RIC8B: variants seen among roughly 807,000 people sequenced by gnomAD.
RIC8B encodes RIC8 guanine nucleotide exchange factor B, also known as chaperone Ric-8B.
RIC8B carries 16 observed loss-of-function variants against 57.5 expected under a neutral mutation model. The observed-to-expected ratio is 0.28, with a 90% confidence interval of 0.19 to 0.42. The LOEUF (loss-of-function observed/expected upper bound fraction) is 0.42, where lower values mean the gene tolerates loss of function less well. Ranked by LOEUF, RIC8B falls within the 10% of genes least tolerant of loss-of-function variation. RIC8B has a pLI of 1.00. For missense variants in RIC8B, 481 were observed against 677.0 expected (o/e 0.71, Z 3.21); for synonymous variants, 216 against 250.8 (o/e 0.86, Z 1.31).
In RIC8B at chr12:106,815,099, G is replaced by A. The variant is rs751916507; in HGVS notation, c.536G>A (p.Arg179Lys). 6.2e-7 allele frequency: 1 copy of A among 1,614,184 alleles called. No homozygotes were observed. The highest frequency in any genetic ancestry group is 8.5e-7 in the Non-Finnish European group (1 of 1,180,036). The change falls in exon 3 of 10, where the codon AGG becomes AAG. Residue 179 changes from arginine to lysine, a missense_variant. Physicochemically the swap from Arg to Lys is conservative, Grantham distance 26 (BLOSUM62 2). Transcript: ENST00000392837. ...CTGTCACTTTTGCACACCGACATCA[G>A]GTCACAATTGCGCTATGAGCTCCAG... is the stretch of plus-strand genomic sequence containing the variant. ...FLLSLLHTDI[R>K]SQLRYELQGL...
At chr12:106,802,730 A>G (rs1338589283) in intron 2 of RIC8B, among the ~76,000 whole-genome samples, 1 of 152,084 alleles carries the variant, frequency 6.6e-6, no homozygotes, top group Non-Finnish European at 1.5e-5. Flanking sequence ...AAAAGAGAGT[A>G]GGACTGAGTC....
chr12:106,825,429 A>G (rs2046052093), intron 3 of RIC8B, among the ~76,000 whole-genome samples: 1 of 152,218 alleles, frequency 6.6e-6, no homozygotes, highest in South Asian at 2.1e-4. Context: ...GCAACAGTGC[A>G]CCATAGAAAA....
intron 9 of RIC8B, among the ~76,000 whole-genome samples, chr12:106,884,616 A>G (rs1176603520): frequency 2.0e-5 from 3 of 152,204 alleles, no homozygotes; most frequent in Non-Finnish European, 2.9e-5. Flanking sequence ...CATAGTATTC[A>G]GGAGCCTCAA....
At chr12:106,837,331 C>T (rs1319018845) in intron 4 of RIC8B, among the ~76,000 whole-genome samples, 1 of 151,998 alleles carries the variant, frequency 6.6e-6, no homozygotes, top group Non-Finnish European at 1.5e-5. Context: ...CATTGTACTC[C>T]AGCCTGGGCG....
At chr12:106,798,127 A>G (rs2136219151) in intron 2 of RIC8B, 8 of 683,734 alleles carry the variant, frequency 1.2e-5, no homozygotes, top group Non-Finnish European at 2.2e-5. Flanking sequence ...CTGGCCTTAT[A>G]ACACTTAGGC....
intron 4 of RIC8B, among the ~76,000 whole-genome samples, chr12:106,827,860 A>G (rs954857409): frequency 3.9e-5 from 6 of 152,212 alleles, no homozygotes; most frequent in African/African-American, 1.2e-4. Context: ...TTAAGAAGTC[A>G]GATATCACAA....
At chr12:106,824,486 T>C (rs2046001477) in intron 3 of RIC8B, among the ~76,000 whole-genome samples, 1 of 152,202 alleles carries the variant, frequency 6.6e-6, no homozygotes, top group Admixed American at 6.5e-5. Context: ...GCTTGCTAGA[T>C]TTTAGGAGAG....
chr12:106,844,376 G>C (rs1949091108), intron 6 of RIC8B, among the ~76,000 whole-genome samples: 1 of 152,160 alleles, frequency 6.6e-6, no homozygotes, highest in Non-Finnish European at 1.5e-5. Context: ...GTATCTCTGA[G>C]AATGATTGGA....
chr12:106,783,894 C>T, intron 1 of RIC8B, 103 bp from the exon 2 acceptor site: 2 of 1,009,540 alleles, frequency 2.0e-6, no homozygotes, highest in Non-Finnish European at 3.0e-6. Flanking sequence ...TACGGGAAGG[C>T]AACATTTTTT....
chr12:106,884,161 T>G (rs1951076659), intron 9 of RIC8B, among the ~76,000 whole-genome samples: 1 of 152,232 alleles, frequency 6.6e-6, no homozygotes, highest in South Asian at 2.1e-4. Flanking sequence ...GGTCAGTGCT[T>G]CATCTCAGGA....
At chr12:106,791,897 TGG>T in intron 2 of RIC8B, among the ~76,000 whole-genome samples, 1 of 152,238 alleles carries the variant, frequency 6.6e-6, no homozygotes, top group Non-Finnish European at 1.5e-5. Context: ...GCTTGAGGAA[TGG>T]ATGCTTGTTC....
chr12:106,810,791 A>G (rs2045301628), intron 2 of RIC8B, among the ~76,000 whole-genome samples: 1 of 152,224 alleles, frequency 6.6e-6, no homozygotes, highest in Non-Finnish European at 1.5e-5. Flanking sequence ...TTGACATTTT[A>G]CCTTATAATA....
intron 2 of RIC8B, among the ~76,000 whole-genome samples, chr12:106,795,593 C>T (rs1263106405): frequency 2.6e-5 from 4 of 152,124 alleles, no homozygotes; most frequent in Non-Finnish European, 5.9e-5. Flanking sequence ...TGAACTTTCC[C>T]ATTGGCCAGC....
chr12:106,798,581 T>G (rs535033255), intron 2 of RIC8B, among the ~76,000 whole-genome samples: 12 of 152,268 alleles, frequency 7.9e-5, no homozygotes, highest in African/African-American at 2.6e-4. Context: ...CTGAATACTT[T>G]CGGTAATGGA....
chr12:106,798,165 A>G (rs2044571728), intron 2 of RIC8B: 4 of 549,584 alleles, frequency 7.3e-6, no homozygotes, highest in Non-Finnish European at 1.3e-5. Flanking sequence ...GATGCCTCGG[A>G]TTCATTTTTT....
chr12:106,779,898 G>A (rs1299101675), intron 1 of RIC8B, among the ~76,000 whole-genome samples: 1 of 132,874 alleles, frequency 7.5e-6, no homozygotes, highest in African/African-American at 2.9e-5. Context: ...TTGTGTGTGT[G>A]TGTGTGTGTA....
In RIC8B at chr12:106,802,316, A is replaced by C. The variant is rs1459364354; in HGVS notation, c.133-12380A>C. Among the ~76,000 whole-genome samples, 4 of 152,306 alleles carry C rather than the reference A, an allele frequency of 2.6e-5. No individual in the cohort carries two copies. In the East Asian group the frequency reaches 5.8e-4, roughly 22 times the overall value. On this transcript the variant is annotated intron_variant, in intron 2 of 9. Coordinates refer to ENST00000392837, the MANE Select transcript of RIC8B (RefSeq NM_001330145.2). ...GGCACTGGGCCACATCTCCCAGATG[A>C]ATGTGCATAACCTATTTTAAGATTA...
chr12:106,845,360 C>T (rs1024583454), intron 6 of RIC8B, among the ~76,000 whole-genome samples: 2 of 152,140 alleles, frequency 1.3e-5, no homozygotes, highest in African/African-American at 4.8e-5. Context: ...TTACTGCCCT[C>T]TCCTCACTCT....
Position 106,813,363 on chromosome 12 carries a change from T to C in RIC8B, c.133-1333T>C, listed in dbSNP as rs543936576. Among the ~76,000 whole-genome samples, 4 of 152,164 alleles carry C rather than the reference T, an allele frequency of 2.6e-5. No individual in the cohort carries two copies. The East Asian group carries it at 7.7e-4, about 29-fold the overall frequency. ...GTGCCACCATGCCCAGCTAATTTTTTGTATTTTTAGTAGAGACGGGGTTCC... is the reference window on the plus strand; with the variant it reads ...GTGCCACCATGCCCAGCTAATTTTTCGTATTTTTAGTAGAGACGGGGTTCC... On this transcript the variant is annotated intron_variant, in intron 2 of 9. Coordinates refer to ENST00000392837, the MANE Select transcript of RIC8B (RefSeq NM_001330145.2).
Sources: gnomAD v4.1 joint callset for allele counts (sites outside exome capture counted in the v4.1 genomes callset) on GRCh38, gnomAD v4.1.1 for gene constraint, MANE v1.5 for transcripts, NCBI Gene and HGNC (gene_info 2026-07-23, HGNC 2026-07-21) for gene names.